The following TSPEAR variants were observed in gnomAD, a reference collection of about 807,000 sequenced individuals.
TSPEAR encodes the protein thrombospondin-type laminin G domain and EAR repeat-containing protein.
Under a neutral mutation model 71.6 loss-of-function variants are expected in TSPEAR, and 69 were observed. The observed-to-expected ratio is 0.96, with a 90% CI of 0.79 to 1.18. The LOEUF is 1.18. TSPEAR is among the 50% of genes most tolerant of loss of function. The probability of loss-of-function intolerance (pLI) is 0.00; values close to 1 mark genes in which losing one functional copy is unlikely to be tolerated. For missense variants in TSPEAR, 971 were observed against 894.9 expected, an observed-to-expected ratio of 1.09 and a Z score of -1.09; for synonymous variants, 402 against 387.2, an observed-to-expected ratio of 1.04 and a Z score of -0.45.
chr21:44,671,733 G>A (rs1460836635), intron 1 of TSPEAR, among the ~76,000 whole-genome samples: 1 of 152,054 alleles, frequency 6.6e-6, no homozygotes, highest in African/African-American at 2.4e-5. Context: ...CCCAAAATTG[G>A]AAGAAGTGAT....
At position 44,614,622 on chromosome 21, in the gene TSPEAR, G is replaced by A. The variant is rs73907062; in HGVS notation, c.83-46617C>T. On this transcript the variant is annotated intron_variant, in intron 1 of 11. Coordinates refer to ENST00000323084, the MANE Select transcript of TSPEAR (RefSeq NM_144991.3). ...CCCCTCTGACGGGGCCTGCCTGGGG[G>A]TGTTGGGCTGGGGGGACCATCACCA... Among the ~76,000 whole-genome samples, 445 of 152,362 alleles carry A rather than the reference G, an allele frequency of 2.9e-3. 1 individual carries two copies. Among genetic ancestry groups the A allele is most frequent in the African/African-American group, 0.01 (416 of 41,592 alleles).
intron 1 of TSPEAR, chr21:44,697,494 C>T (rs782167049): frequency 1.2e-6 from 2 of 1,614,040 alleles, no homozygotes; most frequent in South Asian, 1.1e-5. Context: ...TGCACCTCCT[C>T]CCCCTGCCAG....
chr21:44,669,420 C>A (rs1477873907), intron 1 of TSPEAR, among the ~76,000 whole-genome samples: 6 of 151,834 alleles, frequency 4.0e-5, no homozygotes, highest in Non-Finnish European at 7.4e-5. Context: ...GACTCCATCT[C>A]AAAAAAAATT....
intron 1 of TSPEAR, among the ~76,000 whole-genome samples, chr21:44,653,234 G>A (rs1555941840): frequency 3.9e-5 from 6 of 152,196 alleles, no homozygotes; most frequent in African/African-American, 1.2e-4. Context: ...GAGTGATGAT[G>A]CCTCTGCGGT....
At position 44,677,098 on chromosome 21, in the gene TSPEAR, G is replaced by A. The variant is rs587620407; in HGVS notation, c.82+34335C>T. On this transcript the variant is annotated intron_variant, in intron 1 of 11. Transcript: ENST00000323084. Reference sequence around the variant, plus strand: ...AGATACAAGCTTAGACTCAAATTGAGCTGCTTGGACCTTTTTGACCACATT... The same window carrying A: ...AGATACAAGCTTAGACTCAAATTGAACTGCTTGGACCTTTTTGACCACATT... The A allele has an allele frequency of 8.3e-6, 6 of 718,992 alleles. No homozygotes were observed. In the East Asian group the frequency reaches 1.6e-4, roughly 19 times the overall value. 44.5% of individuals were successfully genotyped at this position (718,992 alleles called of 1,614,324 possible).
At chr21:44,651,463 G>A (rs1247137265) in intron 1 of TSPEAR, among the ~76,000 whole-genome samples, 2 of 152,180 alleles carry the variant, frequency 1.3e-5, no homozygotes, top group Non-Finnish European at 2.9e-5. Flanking sequence ...TAAAATCAAG[G>A]CATGGGCAGG....
chr21:44,637,964 T>A, intron 1 of TSPEAR: 1 of 1,613,666 alleles, frequency 6.2e-7, no homozygotes, highest in Non-Finnish European at 8.5e-7. Flanking sequence ...CACCGCCTCC[T>A]GCTGCAGACC....
In TSPEAR at chr21:44,506,457, C is replaced by G. The variant is rs1368663699; in HGVS notation, c.1755-1576G>C. 1.3e-5 allele frequency among the ~76,000 whole-genome samples: 2 copies of G among 152,228 alleles called. No homozygotes were observed. Among genetic ancestry groups the G allele is most frequent in the Non-Finnish European group, 2.9e-5 (2 of 68,034 alleles). On this transcript the variant is annotated intron_variant, in intron 10 of 11. Transcript: ENST00000323084. The surrounding 1 kb of genome is among the most constrained non-coding windows in gnomAD (Gnocchi z 4.2). ...CCTCATCCCGGTGCTTCCCTGCAGG[C>G]AGTTGTGGGGCCGGCCTGCAGCAGG... is the stretch of plus-strand genomic sequence containing the variant.
At chr21:44,676,944 A>G (rs1464079379) in intron 1 of TSPEAR, 2 of 902,454 alleles carry the variant, frequency 2.2e-6, no homozygotes, top group Non-Finnish European at 3.8e-6. Flanking sequence ...AGTTCAGATC[A>G]TCAGTAGAGA....
In TSPEAR at chr21:44,558,711, G is replaced by A. The variant is rs781789325; in HGVS notation, c.303+9074C>T. On this transcript the variant is annotated intron_variant, in intron 2 of 11. Coordinates refer to ENST00000323084, the MANE Select transcript of TSPEAR (RefSeq NM_144991.3). The stretch of plus-strand genomic sequence containing the variant: ...GGAGCAGACGGACATGGTAGACGTG[G>A]CCATGCTGGGGTGGGGAGGAGGTGA... 2.5e-6 allele frequency: 4 copies of A among 1,594,868 alleles called. No individual in the cohort carries two copies. The African/African-American group carries it at 5.3e-5, about 21-fold the overall frequency.
Position 44,674,923 on chromosome 21 carries a change from G to A in TSPEAR, c.82+36510C>T, listed in dbSNP as rs587699181. Among the ~76,000 whole-genome samples the A allele has an allele frequency of 2.6e-5, 4 of 151,502 alleles. No homozygotes were observed. In the East Asian group the frequency reaches 7.8e-4, roughly 29 times the overall value. On this transcript the variant is annotated intron_variant, in intron 1 of 11. Transcript: ENST00000323084. ...TAGACCAATAATGAATAACCAGATT[G>A]AATCAGTAATAAAAAGTCTCCCAGC...
At chr21:44,529,647 CT>C in intron 5 of TSPEAR, 150 bp downstream of exon 5, 1 of 859,120 alleles carries the variant, frequency 1.2e-6, no homozygotes, top group Non-Finnish European at 1.8e-6. Context: ...GAGTATCCCC[CT>C]GGCCAATATG....
At chr21:44,576,514 A>AG (rs1221610958) in intron 1 of TSPEAR, among the ~76,000 whole-genome samples, 1 of 150,110 alleles carries the variant, frequency 6.7e-6, no homozygotes, top group Non-Finnish European at 1.5e-5. Flanking sequence ...AGGGTGGGTG[A>AG]GGGGGCAAAC....
intron 1 of TSPEAR, among the ~76,000 whole-genome samples, chr21:44,590,800 A>C (rs1348091878): frequency 6.6e-6 from 1 of 151,996 alleles, no homozygotes; most frequent in Non-Finnish European, 1.5e-5. Flanking sequence ...CTTTGTCCCG[A>C]AACTCCTGGC....
rs897412958 is a variant in TSPEAR at position 44,506,346 on chromosome 21, G to A, written c.1755-1465C>T. Among the ~76,000 whole-genome samples, 10 of 152,372 alleles carry A rather than the reference G, an allele frequency of 6.6e-5. No individual in the cohort carries two copies. The highest frequency in any genetic ancestry group is 3.9e-4 in the Admixed American group (6 of 15,308). On this transcript the variant is annotated intron_variant, in intron 10 of 11. Transcript: ENST00000323084. This position sits in a 1 kb window ranked among gnomAD's most constrained non-coding sequence, Gnocchi z 4.2. ...AAATGGAGGTCGAAGCCATGCACAC[G>A]CAGGCGTCCTGCTGACATGCAGGCC...
At chr21:44,527,610 C>G (rs2052883892) in intron 6 of TSPEAR, 92 bp from the exon 7 acceptor site, 10 of 1,276,118 alleles carry the variant, frequency 7.8e-6, no homozygotes, top group Admixed American at 1.8e-5. Context: ...AGCCCCAAGT[C>G]ACAAGCCACG....
At chr21:44,572,620 G>A (rs898845198) in intron 1 of TSPEAR, among the ~76,000 whole-genome samples, 13 of 151,646 alleles carry the variant, frequency 8.6e-5, no homozygotes, top group Non-Finnish European at 1.6e-4. Context: ...TTCTGCTCCC[G>A]TGCCCACGTC....
In TSPEAR at chr21:44,691,804, ACCT is replaced by A. The variant is rs1440914279; in HGVS notation, c.82+19626_82+19628del. Among the ~76,000 whole-genome samples, 30 of 152,120 alleles carry A rather than the reference ACCT, an allele frequency of 2.0e-4. 1 individual carries two copies. In the South Asian group the frequency reaches 3.9e-3, roughly 20 times the overall value. Reference sequence around the variant, plus strand: ...AACATTTTTTTAAAATTTAACAAAAACCTCCTCAAGTTGTGAAAGAAAAAAATA... The same window carrying A: ...AACATTTTTTTAAAATTTAACAAAAACCTCAAGTTGTGAAAGAAAAAAATA... On this transcript the variant is annotated intron_variant, in intron 1 of 11. Coordinates refer to ENST00000323084, the MANE Select transcript of TSPEAR (RefSeq NM_144991.3).
At chr21:44,641,003 A>G (rs1983990803) in intron 1 of TSPEAR, among the ~76,000 whole-genome samples, 1 of 152,180 alleles carries the variant, frequency 6.6e-6, no homozygotes, top group Non-Finnish European at 1.5e-5. Context: ...CTGGATGCCA[A>G]GATGAACTGG....
Sources: gnomAD v4.1 joint callset for allele counts (sites outside exome capture counted in the v4.1 genomes callset) on GRCh38, gnomAD v4.1.1 for gene constraint, Gnocchi (gnomAD v3.1) non-coding constraint, MANE v1.5 for transcripts, NCBI Gene and HGNC (gene_info 2026-07-23, HGNC 2026-07-21) for gene names.